Variants in FHIT observed in about 807,000 individuals in gnomAD.
FHIT encodes the protein bis(5'-adenosyl)-triphosphatase.
FHIT carries 19 observed loss-of-function variants against 17.9 expected under a neutral mutation model. That is an observed-to-expected ratio of 1.06 (90% CI 0.74 to 1.56). The LOEUF (loss-of-function observed/expected upper bound fraction) is 1.56. FHIT is among the 40% of genes most tolerant of loss of function. The probability of loss-of-function intolerance (pLI) is 0.00; values close to 1 mark genes in which losing one functional copy is unlikely to be tolerated. For synonymous variants in FHIT, 81 were observed against 69.7 expected (o/e 1.16, Z -0.81); for missense variants, 248 against 189.2 (o/e 1.31, Z -1.82).
chr3:60,611,658 A>C (rs2038789320), intron 4 of FHIT, among the ~76,000 whole-genome samples: 1 of 152,124 alleles, frequency 6.6e-6, no homozygotes, highest in African/African-American at 2.4e-5. Context: ...GGACTTTCTA[A>C]CGCTCGGCTC....
chr3:60,879,103 C>G (rs1386062550), intron 3 of FHIT, among the ~76,000 whole-genome samples: 1 of 152,200 alleles, frequency 6.6e-6, no homozygotes, highest in Non-Finnish European at 1.5e-5. Flanking sequence ...TACATTCCCA[C>G]CAACAGTGTA....
intron 5 of FHIT, among the ~76,000 whole-genome samples, chr3:60,438,338 G>A (rs932488873): frequency 6.6e-6 from 1 of 151,892 alleles, no homozygotes. Flanking sequence ...GCACATGTGC[G>A]TCCAGACGAC....
intron 4 of FHIT, among the ~76,000 whole-genome samples, chr3:60,743,968 A>C (rs2042289939): frequency 6.6e-6 from 1 of 152,192 alleles, no homozygotes; most frequent in Non-Finnish European, 1.5e-5. Context: ...AGAAGGTTGG[A>C]GAGAACAATG....
At chr3:59,812,875 C>G (rs1018532289) in intron 8 of FHIT, among the ~76,000 whole-genome samples, 2 of 152,174 alleles carry the variant, frequency 1.3e-5, no homozygotes, top group African/African-American at 4.8e-5. Flanking sequence ...TTCTTTAAAG[C>G]ATAAACCTGG....
intron 4 of FHIT, among the ~76,000 whole-genome samples, chr3:60,767,973 C>T (rs1553721968): frequency 1.3e-5 from 2 of 152,148 alleles, no homozygotes; most frequent in Non-Finnish European, 2.9e-5. Flanking sequence ...TGTTTTAACC[C>T]AAACCTAAGA....
chr3:59,927,621 T>G (rs1357612990), intron 7 of FHIT, among the ~76,000 whole-genome samples: 1 of 151,706 alleles, frequency 6.6e-6, no homozygotes, highest in Admixed American at 6.6e-5. Flanking sequence ...CACAAAAAGT[T>G]AGCCAGGCGT....
intron 5 of FHIT, among the ~76,000 whole-genome samples, chr3:60,390,143 CAA>C (rs1295402226): frequency 6.6e-6 from 1 of 152,074 alleles, no homozygotes; most frequent in Non-Finnish European, 1.5e-5. Context: ...CTATCAACCT[CAA>C]ATTTTATTCA....
At chr3:60,412,181 C>T (rs1372747057) in intron 5 of FHIT, among the ~76,000 whole-genome samples, 1 of 151,910 alleles carries the variant, frequency 6.6e-6, no homozygotes, top group African/African-American at 2.4e-5. Context: ...TTCAGTCTAG[C>T]GTGGGCAACA....
At chr3:60,093,780 G>C (rs1703827803) in intron 5 of FHIT, among the ~76,000 whole-genome samples, 1 of 152,200 alleles carries the variant, frequency 6.6e-6, no homozygotes, top group Admixed American at 6.5e-5. Context: ...GGGTGGAACA[G>C]TTTCATCCCG....
intron 5 of FHIT, among the ~76,000 whole-genome samples, chr3:60,410,786 G>A (rs925937410): frequency 6.6e-6 from 1 of 152,114 alleles, no homozygotes; most frequent in Non-Finnish European, 1.5e-5. Flanking sequence ...TTTTTCAAAT[G>A]TTAAGAGGTT....
chr3:59,899,465 G>A (rs796231516), intron 8 of FHIT, among the ~76,000 whole-genome samples: 4 of 152,258 alleles, frequency 2.6e-5, no homozygotes, highest in East Asian at 1.9e-4. Context: ...TACAAATTTG[G>A]CTCCATGAGG....
intron 8 of FHIT, among the ~76,000 whole-genome samples, chr3:59,807,097 AAC>A (rs1700233439): frequency 6.6e-6 from 1 of 152,170 alleles, no homozygotes; most frequent in Admixed American, 6.5e-5. Flanking sequence ...CTTGCCTGAG[AAC>A]ACACACAGAT....
chr3:60,287,660 C>T (rs1196863162), intron 5 of FHIT, among the ~76,000 whole-genome samples: 1 of 152,034 alleles, frequency 6.6e-6, no homozygotes, highest in African/African-American at 2.4e-5. Flanking sequence ...AAAGAGAAGA[C>T]CTACCATCTC....
At chr3:60,960,211 G>A (rs571505924) in intron 3 of FHIT, among the ~76,000 whole-genome samples, 1 of 152,242 alleles carries the variant, frequency 6.6e-6, no homozygotes, top group Non-Finnish European at 1.5e-5. Context: ...TCCCATGAGG[G>A]TCTCCAACGT....
chr3:59,777,134 A>G (rs572681325), intron 8 of FHIT, among the ~76,000 whole-genome samples: 15 of 152,178 alleles, frequency 9.9e-5, no homozygotes, highest in African/African-American at 3.6e-4. Context: ...CCCTTCTCCC[A>G]TATCCACCTT....
chr3:59,784,026 A>G (rs1379291281), intron 8 of FHIT, among the ~76,000 whole-genome samples: 1 of 152,114 alleles, frequency 6.6e-6, no homozygotes, highest in African/African-American at 2.4e-5. Flanking sequence ...GATATTGACT[A>G]TTTGTACTTT....
chr3:60,683,235 G>A (rs1553697369), intron 4 of FHIT, among the ~76,000 whole-genome samples: 3 of 152,196 alleles, frequency 2.0e-5, no homozygotes, highest in African/African-American at 7.2e-5. Flanking sequence ...GGGTTGGAGA[G>A]GATTCACTCA....
In FHIT at chr3:60,539,626, T is replaced by C. The variant is rs536835336; in HGVS notation, c.-17-2647A>G. Among the ~76,000 whole-genome samples, 20 of 152,224 alleles carry C rather than the reference T, an allele frequency of 1.3e-4. No individual in the cohort carries two copies. In the East Asian group the frequency reaches 3.7e-3, roughly 28 times the overall value. On this transcript the variant is annotated intron_variant, in intron 4 of 9. Coordinates refer to ENST00000492590, the MANE Select transcript of FHIT (RefSeq NM_002012.4). Reference sequence around the variant, plus strand: ...CTATGCAGCCATAAAAAAGGATGAGTTCATGTCCTTTGTAGGGACATGGAT... The same window carrying C: ...CTATGCAGCCATAAAAAAGGATGAGCTCATGTCCTTTGTAGGGACATGGAT...
intron 5 of FHIT, among the ~76,000 whole-genome samples, chr3:60,116,887 A>AT (rs11438598): frequency 0.31 from 46,877 of 151,878 alleles, 7,619 homozygotes; most frequent in Non-Finnish European, 0.36. Flanking sequence ...TTTCCCTTCT[A>AT]TTTTTTGAGT....
Sources: allele counts gnomAD v4.1 joint callset (sites outside exome capture counted in the v4.1 genomes callset), GRCh38; gene constraint gnomAD v4.1.1; transcripts MANE v1.5; gene names NCBI Gene and HGNC (gene_info 2026-07-23, HGNC 2026-07-21).